PADI6: variants seen among roughly 807,000 people sequenced by gnomAD.
PADI6 encodes inactive protein-arginine deiminase type-6.
A neutral mutation model predicts 78.2 loss-of-function variants in PADI6; 66 were observed. That is an observed-to-expected ratio of 0.84 (90% CI 0.69 to 1.04). The LOEUF is 1.04. Ranked by LOEUF, PADI6 falls within the 50% of genes least tolerant of loss-of-function variation. PADI6 has a pLI of 0.00. For missense variants in PADI6, 854 were observed against 866.1 expected (o/e 0.99, Z 0.18); for synonymous variants, 397 against 346.9 (o/e 1.14, Z -1.60).
intron 15 of PADI6, among the ~76,000 whole-genome samples, chr1:17,399,652 G>A (rs2075282300): frequency 6.6e-6 from 1 of 151,418 alleles, no homozygotes; most frequent in African/African-American, 2.4e-5. Context: ...TAGTACGTTG[G>A]GAGGCTGAGG....
chr1:17,397,922 T>C lies in PADI6; in HGVS notation c.1690-764T>C, dbSNP rs576498112. On this transcript the variant is annotated intron_variant, in intron 14 of 15. Coordinates refer to ENST00000619609, the MANE Select transcript of PADI6 (RefSeq NM_207421.4). ...CGAGAAGCTGAGTATCAGACTCAAA[T>C]AGACGAGGGACTACTCAATGCTTTC... 2.4e-3 allele frequency among the ~76,000 whole-genome samples: 370 copies of C among 152,168 alleles called. 1 individual carries two copies. Among genetic ancestry groups the C allele is most frequent in the South Asian group, 5.8e-3 (28 of 4,812 alleles).
chr1:17,396,947 C>T, intron 13 of PADI6, 124 bp from the exon 14 acceptor site: 2 of 837,398 alleles, frequency 2.4e-6, no homozygotes, highest in Non-Finnish European at 2.0e-6. Context: ...ATAGGCCAGT[C>T]CTCTCGCCAT....
chr1:17,374,691 G>A (rs557336599), intron 2 of PADI6, among the ~76,000 whole-genome samples: 1 of 152,296 alleles, frequency 6.6e-6, no homozygotes, highest in South Asian at 2.1e-4. Context: ...CAGACTACCT[G>A]AGAACCATTC....
chr1:17,384,696 A>AC (rs1268412517), intron 6 of PADI6, among the ~76,000 whole-genome samples: 2 of 152,194 alleles, frequency 1.3e-5, no homozygotes, highest in Non-Finnish European at 2.9e-5. Context: ...CCGACATTGC[A>AC]CCACTGCACT....
chr1:17,388,097 A>T (rs1252867775), intron 6 of PADI6, among the ~76,000 whole-genome samples: 3 of 152,220 alleles, frequency 2.0e-5, no homozygotes, highest in Admixed American at 2.0e-4. Context: ...GCTTCACACC[A>T]GTCAGGAGCC....
chr1:17,390,473 G>A (rs1381489317), intron 8 of PADI6, among the ~76,000 whole-genome samples: 2 of 151,644 alleles, frequency 1.3e-5, no homozygotes, highest in Non-Finnish European at 2.9e-5. Flanking sequence ...GCATGGTGGT[G>A]CACCCCAGTA....
chr1:17,393,631 G>A (rs2075214910), intron 9 of PADI6, among the ~76,000 whole-genome samples: 1 of 152,124 alleles, frequency 6.6e-6, no homozygotes, highest in South Asian at 2.1e-4. Flanking sequence ...GAGCCACCAT[G>A]CCTGGCTAAC....
In PADI6 at chr1:17,394,341, T is replaced by A. The variant is rs745997829; in HGVS notation, c.1224T>A (p.His408Gln). Reference sequence around the variant, plus strand: ...ACATGATCCAGGACACTGAGGACCATAAAGTGGCCAGCATGGATTCCATTG... The same window carrying A: ...ACATGATCCAGGACACTGAGGACCAAAAAGTGGCCAGCATGGATTCCATTG... ...IGYMIQDTED[H>Q]KVASMDSIGN... The change falls in exon 11 of 16, where the codon CAT becomes CAA. Residue 408 changes from histidine to glutamine, a missense_variant. Transcript: ENST00000619609. 3 of 1,613,838 alleles carry A rather than the reference T, an allele frequency of 1.9e-6. No homozygotes were observed. The highest frequency in any genetic ancestry group is 1.1e-5 in the South Asian group (1 of 91,056).
intron 2 of PADI6, among the ~76,000 whole-genome samples, chr1:17,373,976 G>T (rs2074991022): frequency 6.6e-6 from 1 of 152,096 alleles, no homozygotes; most frequent in Non-Finnish European, 1.5e-5. Context: ...GAAGCAGGTG[G>T]CTCATTCAGG....
At chr1:17,398,993 C>G (rs1459843121) in intron 15 of PADI6, 146 bp downstream of exon 15, 20 of 939,218 alleles carry the variant, frequency 2.1e-5, no homozygotes, top group Non-Finnish European at 2.2e-5. Flanking sequence ...TCTCCCCCAT[C>G]TCGGTTAGGG....
Position 17,397,146 on chromosome 1 carries a change from G to A in PADI6, c.1689+5G>A. 1 of 1,613,662 alleles carries A rather than the reference G, an allele frequency of 6.2e-7. No individual in the cohort carries two copies. Among genetic ancestry groups the A allele is most frequent in the Non-Finnish European group, 8.5e-7 (1 of 1,179,770 alleles). ...AAGCAGAATGAATACGTGGAGGTAG[G>A]ACCAGTGTGAAGGGGGCCATCCCCA... is the stretch of plus-strand genomic sequence containing the variant. On this transcript the variant is annotated splice_donor_5th_base_variant and intron_variant, in intron 14 of 15. Coordinates refer to ENST00000619609, the MANE Select transcript of PADI6 (RefSeq NM_207421.4).
chr1:17,396,540 C>T (rs756054691), intron 13 of PADI6, among the ~76,000 whole-genome samples: 1 of 152,174 alleles, frequency 6.6e-6, no homozygotes, highest in Non-Finnish European at 1.5e-5. Flanking sequence ...CCTGGATACT[C>T]AGCCTTTGGG....
chr1:17,381,539 C>T (rs2075073244), intron 5 of PADI6, among the ~76,000 whole-genome samples: 1 of 152,230 alleles, frequency 6.6e-6, no homozygotes, highest in Non-Finnish European at 1.5e-5. Context: ...AAAAGCCTCT[C>T]ATAGTCTGGG....
At chr1:17,378,474 C>G (rs74058757) in intron 3 of PADI6, among the ~76,000 whole-genome samples, 4,258 of 152,220 alleles carry the variant, frequency 0.028, 220 homozygotes, top group African/African-American at 0.096. Flanking sequence ...GAGCTGTGAA[C>G]AAAAGACCAC....
In PADI6 at chr1:17,388,726, G is replaced by C. The variant is rs76279662; in HGVS notation, c.859-51G>C. 1.0e-3 allele frequency: 1,588 copies of C among 1,562,510 alleles called. 19 individuals carry two copies. The African/African-American group carries it at 0.018, about 18-fold the overall frequency. On this transcript the variant is annotated intron_variant, in intron 7 of 15. Coordinates refer to ENST00000619609, the MANE Select transcript of PADI6 (RefSeq NM_207421.4). ...CGGCCGGAACCCTGGGGTAAGAGGG[G>C]AGCGAGTAAATGTGGAAGCAGGTTG... is the stretch of plus-strand genomic sequence containing the variant.
rs374395476 is a variant in PADI6, at chr1:17,397,024, G to A, written c.1619-47G>A. The A allele has an allele frequency of 2.3e-5, 37 of 1,587,658 alleles. No homozygotes were observed. The African/African-American group carries it at 3.9e-4, about 17-fold the overall frequency. ...CCGAGTGTGCCCAGCTCTGGGCAGT[G>A]CTGCCATTCCCTGACCAGCAGGCCT... On this transcript the variant is annotated intron_variant, in intron 13 of 15. Coordinates refer to ENST00000619609, the MANE Select transcript of PADI6 (RefSeq NM_207421.4).
chr1:17,389,837 C>T lies in PADI6; in HGVS notation c.962+957C>T, dbSNP rs569960869. 1.1e-3 allele frequency among the ~76,000 whole-genome samples: 169 copies of T among 152,282 alleles called. 2 individuals are homozygous for T. Among genetic ancestry groups the T allele is most frequent in the African/African-American group, 3.8e-3 (156 of 41,556 alleles). ...GAGCAGCCTTTAGTTGGGATTGGTC[C>T]GCAGGTAGGACACCCCCGCCCCACT... is the stretch of plus-strand genomic sequence containing the variant. On this transcript the variant is annotated intron_variant, in intron 8 of 15. Coordinates refer to ENST00000619609, the MANE Select transcript of PADI6 (RefSeq NM_207421.4).
intron 14 of PADI6, among the ~76,000 whole-genome samples, chr1:17,397,989 C>T (rs1388210117): frequency 2.6e-5 from 4 of 152,142 alleles, no homozygotes; most frequent in Admixed American, 1.3e-4. Context: ...GGATGGTGTT[C>T]AGGGTCACCA....
intron 8 of PADI6, among the ~76,000 whole-genome samples, chr1:17,391,202 C>T (rs1247722491): frequency 6.9e-6 from 1 of 144,964 alleles, no homozygotes; most frequent in East Asian, 2.2e-4. Context: ...CCTGTTTGTT[C>T]CGTTTGTTTA....
Sources: gnomAD v4.1 joint callset for allele counts (sites outside exome capture counted in the v4.1 genomes callset) on GRCh38, gnomAD v4.1.1 for gene constraint, MANE v1.5 for transcripts, NCBI Gene and HGNC (gene_info 2026-07-23, HGNC 2026-07-21) for gene names.